The following DOCK9 variants were observed in gnomAD, a reference collection of about 807,000 sequenced individuals.
The protein encoded by DOCK9 is dedicator of cytokinesis 9.
DOCK9 carries 89 observed loss-of-function variants against 263.3 expected under a neutral mutation model. That is an observed-to-expected ratio of 0.34 (90% confidence interval 0.28 to 0.40). DOCK9 has a LOEUF of 0.40. Among genes scored for constraint, DOCK9 ranks in the 10% least tolerant of loss-of-function variants. The pLI is 1.00. For missense variants in DOCK9, 2,140 were observed against 2,603.4 expected (o/e 0.82, Z 3.87); for synonymous variants, 976 against 973.1 (o/e 1.00, Z -0.06).
chr13:98,951,707 G>T (rs1226861164), intron 2 of DOCK9, among the ~76,000 whole-genome samples: 2 of 152,094 alleles, frequency 1.3e-5, no homozygotes, highest in East Asian at 3.9e-4. Flanking sequence ...GTCTCTAAAG[G>T]GTAGGAAAGA....
intron 27 of DOCK9, 127 bp from the exon 28 acceptor site, chr13:98,868,504 T>C: frequency 9.0e-7 from 1 of 1,110,682 alleles, no homozygotes; most frequent in Non-Finnish European, 1.3e-6. Flanking sequence ...TGGCTCACAC[T>C]TGTAACCCCA....
intron 1 of DOCK9, among the ~76,000 whole-genome samples, chr13:99,034,886 T>G (rs1887705762): frequency 1.3e-5 from 2 of 152,172 alleles, no homozygotes; most frequent in African/African-American, 4.8e-5. Context: ...GGCAGTTCCT[T>G]GTAAGCCATA....
chr13:98,825,965 T>C lies in DOCK9; in HGVS notation c.5023+865A>G. On this transcript the variant is annotated intron_variant, in intron 44 of 52. Transcript: ENST00000682017. This position sits in a 1 kb window ranked among gnomAD's most constrained non-coding sequence, Gnocchi z 4.1. ...TCTAAACATGAGGAAATGCATCACC[T>C]GATAAAAGGTCTCAACAGGAAATAG... is the stretch of plus-strand genomic sequence containing the variant. 2 of 1,493,390 alleles carry C rather than the reference T, an allele frequency of 1.3e-6. No homozygotes were observed. Among genetic ancestry groups the C allele is most frequent in the Admixed American group, 2.2e-5 (1 of 45,018 alleles). The allele number at this position is 1,493,390 out of a possible 1,614,324, so 92.5% of individuals were successfully genotyped here.
chr13:98,937,827 A>G (rs2055143764), intron 2 of DOCK9, among the ~76,000 whole-genome samples: 3 of 152,192 alleles, frequency 2.0e-5, no homozygotes, highest in East Asian at 1.9e-4. Context: ...AATTTCAAAT[A>G]GATCCTTTTT....
At chr13:98,854,038 G>A (rs577602722) in intron 34 of DOCK9, among the ~76,000 whole-genome samples, 1 of 152,252 alleles carries the variant, frequency 6.6e-6, no homozygotes, top group East Asian at 1.9e-4. Context: ...CGTGCTGTGG[G>A]CACTGCTCAG....
chr13:98,863,315 C>T (rs1364045788), intron 31 of DOCK9, 55 bp downstream of exon 31: 6 of 1,578,818 alleles, frequency 3.8e-6, no homozygotes, highest in Non-Finnish European at 5.2e-6. Context: ...TTCTTTACAC[C>T]ACTTAAAATA....
intron 1 of DOCK9, among the ~76,000 whole-genome samples, chr13:98,988,783 C>T (rs1414256247): frequency 2.0e-5 from 3 of 152,168 alleles, no homozygotes. Context: ...AAATGAAGCT[C>T]CTCATGGTTG....
At chr13:99,081,313 G>A (rs968179167) in intron 1 of DOCK9, among the ~76,000 whole-genome samples, 1 of 152,206 alleles carries the variant, frequency 6.6e-6, no homozygotes, top group Non-Finnish European at 1.5e-5. Context: ...AGTGAGGGAA[G>A]CCTCAGGCAG....
At chr13:98,928,893 G>A (rs1282810571) in intron 3 of DOCK9, among the ~76,000 whole-genome samples, 6 of 152,156 alleles carry the variant, frequency 3.9e-5, no homozygotes, top group African/African-American at 1.4e-4. Context: ...AGTGGCAAAG[G>A]AGGTAAGACA....
At chr13:99,031,069 TAAC>T (rs1414657291) in intron 1 of DOCK9, among the ~76,000 whole-genome samples, 3 of 152,092 alleles carry the variant, frequency 2.0e-5, no homozygotes, top group Non-Finnish European at 4.4e-5. Flanking sequence ...AAAAAAAAAT[TAAC>T]AACATAGACT....
chr13:98,915,753 C>A (rs1286707926), intron 7 of DOCK9, among the ~76,000 whole-genome samples: 2 of 151,750 alleles, frequency 1.3e-5, no homozygotes, highest in African/African-American at 4.8e-5. Context: ...ATCTGATTCA[C>A]TGTGTGTCCC....
intron 1 of DOCK9, among the ~76,000 whole-genome samples, chr13:98,986,775 C>A (rs1338356451): frequency 2.0e-5 from 3 of 152,108 alleles, no homozygotes; most frequent in Non-Finnish European, 4.4e-5. Context: ...CGTTGTTATT[C>A]CTGGGCCACA....
At chr13:98,959,110 A>C (rs2058372689) in intron 1 of DOCK9, among the ~76,000 whole-genome samples, 1 of 152,208 alleles carries the variant, frequency 6.6e-6, no homozygotes, top group South Asian at 2.1e-4. Flanking sequence ...AATTGCTACA[A>C]GTGTCCCACC....
In DOCK9 at chr13:98,915,587, A is replaced by G. The variant is rs146666834; in HGVS notation, c.718-84T>C. 82 of 1,342,046 alleles carry G rather than the reference A, an allele frequency of 6.1e-5. No individual in the cohort carries two copies. The African/African-American group carries it at 1.1e-3, about 18-fold the overall frequency. 83.1% of individuals were successfully genotyped at this position (1,342,046 alleles called of 1,614,324 possible). A position where few individuals can be genotyped will look rare whatever the true frequency, so the allele number is the denominator to read the frequency against. On this transcript the variant is annotated intron_variant, in intron 7 of 52. Transcript: ENST00000682017. ...AATTACTCTCTCTTGTTGGTGAGTG[A>G]TATCTCATTGGCATTTAGAACCAAG...
At chr13:98,811,577 A>AT (rs1404994534) in intron 45 of DOCK9, among the ~76,000 whole-genome samples, 1 of 152,078 alleles carries the variant, frequency 6.6e-6, no homozygotes, top group Non-Finnish European at 1.5e-5. Context: ...TGCCCCACTA[A>AT]TTTTTTGTAT....
chr13:99,034,075 C>G (rs963496181), intron 1 of DOCK9, among the ~76,000 whole-genome samples: 2 of 152,142 alleles, frequency 1.3e-5, no homozygotes, highest in African/African-American at 4.8e-5. Context: ...TACTGTTCAG[C>G]TCACACAACC....
chr13:98,846,305 G>A (rs915023667), intron 37 of DOCK9, among the ~76,000 whole-genome samples: 5 of 152,090 alleles, frequency 3.3e-5, no homozygotes, highest in Admixed American at 6.6e-5. Context: ...AAGTACTTTA[G>A]AGATGCTACT....
intron 1 of DOCK9, among the ~76,000 whole-genome samples, chr13:98,962,619 T>G (rs2058757386): frequency 6.6e-6 from 1 of 151,188 alleles, no homozygotes; most frequent in African/African-American, 2.4e-5. Flanking sequence ...TTAAATATGT[T>G]GCTTGCATGA....
chr13:98,989,763 A>T (rs1279493919), intron 1 of DOCK9, among the ~76,000 whole-genome samples: 9 of 152,132 alleles, frequency 5.9e-5, no homozygotes, highest in Non-Finnish European at 1.2e-4. Flanking sequence ...CTCATTAATG[A>T]CTGATCATTT....
Sources: allele counts gnomAD v4.1 joint callset (sites outside exome capture counted in the v4.1 genomes callset), GRCh38; gene constraint gnomAD v4.1.1; non-coding constraint Gnocchi (gnomAD v3.1); transcripts MANE v1.5; gene names NCBI Gene and HGNC (gene_info 2026-07-23, HGNC 2026-07-21).